Variants in PHLDB2 observed in about 807,000 individuals in gnomAD.
PHLDB2 encodes pleckstrin homology-like domain family B member 2.
In PHLDB2, 71 loss-of-function variants were observed where a neutral mutation model predicts 123.6. That is an observed-to-expected ratio of 0.57 (90% CI 0.47 to 0.70). The LOEUF is 0.70. Ranked by LOEUF, PHLDB2 falls within the 30% of genes least tolerant of loss-of-function variation. PHLDB2 has a pLI of 0.00. For synonymous variants in PHLDB2, 547 were observed against 541.6 expected, an observed-to-expected ratio of 1.01 and a Z score of -0.14; for missense variants, 1,446 against 1,519.5, an observed-to-expected ratio of 0.95 and a Z score of 0.80.
chr3:111,732,775 CAG>C, intron 1 of PHLDB2: 1 of 1,317,648 alleles, frequency 7.6e-7, no homozygotes, highest in Non-Finnish European at 1.0e-6. Context: ...GCCTCGTCAC[CAG>C]AGTGTTTCTG....
intron 8 of PHLDB2, 119 bp from the exon 9 acceptor site, chr3:111,945,149 G>A (rs1263955372): frequency 4.2e-6 from 3 of 707,688 alleles, no homozygotes; most frequent in African/African-American, 3.6e-5. Context: ...ATGATGAGAG[G>A]AAATAGAAAT....
intron 1 of PHLDB2, among the ~76,000 whole-genome samples, chr3:111,785,521 GTTCT>G: frequency 6.6e-6 from 1 of 151,998 alleles, no homozygotes; most frequent in South Asian, 2.1e-4. Flanking sequence ...TTTTCCTCTA[GTTCT>G]TTATTTTGTT....
chr3:111,841,487 C>G (rs1240237434), intron 1 of PHLDB2, among the ~76,000 whole-genome samples: 2 of 152,200 alleles, frequency 1.3e-5, no homozygotes, highest in African/African-American at 4.8e-5. Context: ...AACTCCAGAA[C>G]CACCTTGACA....
intron 1 of PHLDB2, among the ~76,000 whole-genome samples, chr3:111,830,626 G>T (rs1342911998): frequency 6.7e-6 from 1 of 149,048 alleles, no homozygotes; most frequent in East Asian, 2.0e-4. Flanking sequence ...CGGCTAAAAC[G>T]GTGAAACCCC....
At position 111,807,949 on chromosome 3, in the gene PHLDB2, T is replaced by G. The variant is rs1004214682; in HGVS notation, c.-48-37872T>G. 1.7e-4 allele frequency among the ~76,000 whole-genome samples: 8 copies of G among 47,410 alleles called. No homozygotes were observed. The South Asian group carries it at 5.2e-3, about 31-fold the overall frequency. 31.1% of individuals were successfully genotyped at this position (47,410 alleles called of 152,430 possible). ...CCATTTTATAAATAAGCTGGGTGTT[T>G]TTTTTTTTTTTTTTTGCCTAATTTT... is the stretch of plus-strand genomic sequence containing the variant. On this transcript the variant is annotated intron_variant, in intron 1 of 17. Transcript: ENST00000393923.
At chr3:111,825,798 AG>A (rs1217775809) in intron 1 of PHLDB2, among the ~76,000 whole-genome samples, 1 of 152,096 alleles carries the variant, frequency 6.6e-6, no homozygotes, top group Non-Finnish European at 1.5e-5. Flanking sequence ...ATCTTTATGA[AG>A]GTTTTTTTAA....
At chr3:111,819,600 G>A (rs555234496) in intron 1 of PHLDB2, among the ~76,000 whole-genome samples, 68 of 152,262 alleles carry the variant, frequency 4.5e-4, no homozygotes, top group African/African-American at 1.6e-3. Flanking sequence ...AGAGAATTTT[G>A]AGAAGCTGGA....
Position 111,940,564 on chromosome 3 carries a change from C to T in PHLDB2, c.2316C>T (p.Ala772=). ...KEKISALKKQ[A]NHIVQQAQRE... Reference sequence around the variant, plus strand: ...AAATTTCTGCATTGAAAAAGCAAGCCAATCACATTGTTCAGCAGGCTCAGA... The same window carrying T: ...AAATTTCTGCATTGAAAAAGCAAGCTAATCACATTGTTCAGCAGGCTCAGA... Residue 772 remains alanine (A), a synonymous_variant, in exon 8 of 18, where the codon GCC becomes GCT. Coordinates refer to ENST00000431670, the MANE Select transcript of PHLDB2 (RefSeq NM_001134438.2). 6 of 1,600,574 alleles carry T rather than the reference C, an allele frequency of 3.7e-6. No homozygotes were observed. Among genetic ancestry groups the T allele is most frequent in the Non-Finnish European group, 5.1e-6 (6 of 1,174,340 alleles).
chr3:111,894,976 G>A (rs2066738673), intron 2 of PHLDB2, among the ~76,000 whole-genome samples: 1 of 151,622 alleles, frequency 6.6e-6, no homozygotes, highest in Non-Finnish European at 1.5e-5. Context: ...GTCTGTATGT[G>A]TGTATATGTT....
At chr3:111,967,846 C>G (rs779456051) in intron 15 of PHLDB2, 22 bp downstream of exon 15, 1 of 1,586,736 alleles carries the variant, frequency 6.3e-7, no homozygotes, top group East Asian at 2.2e-5. Context: ...AATCTGAATG[C>G]ATATGGGCAG....
In PHLDB2 at chr3:111,859,518, G is replaced by T; in HGVS notation, c.-73G>T. ...CGACGGGGGCCCGACGGTGTGGCGTGGCGCAAGGAGCGCGCCTGCCTTCTC... is the reference window on the plus strand; with the variant it reads ...CGACGGGGGCCCGACGGTGTGGCGTTGCGCAAGGAGCGCGCCTGCCTTCTC... On this transcript the variant is annotated 5_prime_UTR_variant, in exon 1 of 18. Transcript: ENST00000431670. 1 of 985,652 alleles carries T rather than the reference G, an allele frequency of 1.0e-6. No individual in the cohort carries two copies. Among genetic ancestry groups the T allele is most frequent in the Non-Finnish European group, 1.2e-6 (1 of 830,080 alleles). 61.1% of individuals were successfully genotyped at this position (985,652 alleles called of 1,614,324 possible). A position where few individuals can be genotyped will look rare whatever the true frequency, so the allele number is the denominator to read the frequency against.
chr3:111,963,126 A>G (rs1019347163), intron 13 of PHLDB2, among the ~76,000 whole-genome samples: 1 of 152,176 alleles, frequency 6.6e-6, no homozygotes, highest in East Asian at 1.9e-4. Flanking sequence ...TGGTCTTAAC[A>G]TATAAATCTG....
At chr3:111,797,631 T>G (rs575119683) in intron 1 of PHLDB2, among the ~76,000 whole-genome samples, 1 of 152,360 alleles carries the variant, frequency 6.6e-6, no homozygotes, top group East Asian at 1.9e-4. Context: ...ACTTTTTCAT[T>G]GCTTTGTTTG....
chr3:111,900,833 A>G (rs938286986), intron 2 of PHLDB2, among the ~76,000 whole-genome samples: 3 of 152,220 alleles, frequency 2.0e-5, no homozygotes, highest in African/African-American at 7.2e-5. Flanking sequence ...AAAATGAGAT[A>G]TGCCTGTAGT....
At chr3:111,955,936 C>T (rs1019964200) in intron 12 of PHLDB2, among the ~76,000 whole-genome samples, 6 of 152,152 alleles carry the variant, frequency 3.9e-5, no homozygotes, top group Non-Finnish European at 7.3e-5. Context: ...TGTGGTGGCT[C>T]ATGCCTCTAC....
intron 1 of PHLDB2, among the ~76,000 whole-genome samples, chr3:111,883,579 T>A (rs1402689574): frequency 2.0e-5 from 3 of 152,240 alleles, no homozygotes; most frequent in African/African-American, 7.2e-5. Flanking sequence ...TATTGATCAG[T>A]GTCTAACGTA....
At chr3:111,947,184 T>A (rs1249137069) in intron 9 of PHLDB2, among the ~76,000 whole-genome samples, 1 of 152,216 alleles carries the variant, frequency 6.6e-6, no homozygotes, top group African/African-American at 2.4e-5. Context: ...TCCAGATGAA[T>A]TGGATGGGCT....
chr3:111,824,338 A>G (rs1330128797), intron 1 of PHLDB2, among the ~76,000 whole-genome samples: 2 of 152,170 alleles, frequency 1.3e-5, no homozygotes, highest in South Asian at 2.1e-4. Context: ...ATGGTGGCCT[A>G]AAGCATCCAT....
At chr3:111,913,767 A>G (rs1282947) in intron 3 of PHLDB2, 65 bp downstream of exon 3, 61,507 of 1,440,876 alleles carry the variant, frequency 0.043, 1,969 homozygotes, top group African/African-American at 0.13. Flanking sequence ...CTTTGGCATG[A>G]AAACTGATGA....
Sources: allele counts gnomAD v4.1 joint callset (sites outside exome capture counted in the v4.1 genomes callset), GRCh38; gene constraint gnomAD v4.1.1; transcripts MANE v1.5; gene names NCBI Gene and HGNC (gene_info 2026-07-23, HGNC 2026-07-21).